Variants in AFG1L observed in about 807,000 individuals in gnomAD.
AFG1L encodes the protein AFG1-like ATPase.
In AFG1L, 53 loss-of-function variants were observed where a neutral mutation model predicts 62.2. That is an observed-to-expected ratio of 0.85 (90% CI 0.68 to 1.07). AFG1L has a LOEUF of 1.07. Among genes scored for constraint, AFG1L ranks in the 50% least tolerant of loss-of-function variants. The probability of loss-of-function intolerance (pLI) is 0.00; values close to 1 mark genes in which losing one functional copy is unlikely to be tolerated. For missense variants in AFG1L, 555 were observed against 590.5 expected (o/e 0.94, Z 0.62); for synonymous variants, 228 against 210.3 (o/e 1.08, Z -0.73).
At chr6:108,429,204 G>A (rs889958917) in intron 7 of AFG1L, among the ~76,000 whole-genome samples, 3 of 152,036 alleles carry the variant, frequency 2.0e-5, no homozygotes, top group African/African-American at 7.2e-5. Flanking sequence ...ATGTGTATTA[G>A]TCTGTTCTCA....
intron 10 of AFG1L, among the ~76,000 whole-genome samples, chr6:108,504,826 G>C (rs1266048043): frequency 6.6e-6 from 1 of 152,174 alleles, no homozygotes; most frequent in Non-Finnish European, 1.5e-5. Flanking sequence ...TCAAAATGAG[G>C]TGAGCTGAGC....
intron 10 of AFG1L, among the ~76,000 whole-genome samples, chr6:108,478,368 C>T (rs1773204914): frequency 6.6e-6 from 1 of 152,208 alleles, no homozygotes; most frequent in Non-Finnish European, 1.5e-5. Flanking sequence ...ACCCGGGAGG[C>T]GGAGCCTGCA....
At chr6:108,435,282 C>G (rs891856160) in intron 7 of AFG1L, among the ~76,000 whole-genome samples, 6 of 152,128 alleles carry the variant, frequency 3.9e-5, no homozygotes, top group Admixed American at 6.5e-5. Flanking sequence ...GGGATACTGG[C>G]CAGGTAGGAG....
intron 1 of AFG1L, among the ~76,000 whole-genome samples, chr6:108,309,314 G>A (rs1035478228): frequency 6.6e-6 from 1 of 152,094 alleles, no homozygotes; most frequent in Non-Finnish European, 1.5e-5. Flanking sequence ...TCAAGTGACC[G>A]TGTATGTGTG....
chr6:108,488,894 T>C (rs765121235), intron 10 of AFG1L, among the ~76,000 whole-genome samples: 1 of 151,852 alleles, frequency 6.6e-6, no homozygotes, highest in Non-Finnish European at 1.5e-5. Flanking sequence ...AATTACAGAG[T>C]ATATTCAGAG....
At chr6:108,488,691 C>T (rs1052092877) in intron 10 of AFG1L, among the ~76,000 whole-genome samples, 2 of 149,754 alleles carry the variant, frequency 1.3e-5, no homozygotes, top group African/African-American at 5.0e-5. Flanking sequence ...AACCCCATCT[C>T]TACTGAAATA....
chr6:108,401,841 G>A (rs1781631424), intron 6 of AFG1L, among the ~76,000 whole-genome samples, 155 bp from the exon 7 acceptor site: 2 of 151,540 alleles, frequency 1.3e-5, no homozygotes, highest in Admixed American at 1.3e-4. Flanking sequence ...TAAAATGTGT[G>A]TAGGACCCAA....
intron 7 of AFG1L, among the ~76,000 whole-genome samples, chr6:108,445,376 T>C (rs1771726907): frequency 6.6e-6 from 1 of 152,184 alleles, no homozygotes; most frequent in Admixed American, 6.5e-5. Flanking sequence ...TTCACTGGAG[T>C]AGCACTTTTC....
At chr6:108,301,692 A>G (rs1011687198) in intron 1 of AFG1L, among the ~76,000 whole-genome samples, 2 of 152,244 alleles carry the variant, frequency 1.3e-5, no homozygotes, top group Non-Finnish European at 2.9e-5. Flanking sequence ...AGTAAGGTAA[A>G]ATAAATAAAA....
intron 2 of AFG1L, among the ~76,000 whole-genome samples, chr6:108,339,106 C>T (rs1582399084): frequency 6.6e-6 from 1 of 151,482 alleles, no homozygotes; most frequent in Non-Finnish European, 1.5e-5. Context: ...ATTTGTTTTT[C>T]TTACTGATTG....
intron 8 of AFG1L, 141 bp downstream of exon 8, chr6:108,447,437 C>G: frequency 1.8e-6 from 1 of 557,216 alleles, no homozygotes; most frequent in South Asian, 2.4e-5. Flanking sequence ...CTCATGTTAA[C>G]TTCTTCAACC....
chr6:108,430,921 T>G (rs548117313), intron 7 of AFG1L, among the ~76,000 whole-genome samples: 1 of 152,278 alleles, frequency 6.6e-6, no homozygotes, highest in African/African-American at 2.4e-5. Flanking sequence ...TCCACTCCCA[T>G]GCCAAATAAT....
intron 2 of AFG1L, among the ~76,000 whole-genome samples, chr6:108,341,232 A>G (rs562856187): frequency 1.3e-5 from 2 of 152,068 alleles, no homozygotes; most frequent in Non-Finnish European, 2.9e-5. Context: ...AATTTATTGA[A>G]GTTTTCTTTC....
chr6:108,392,183 G>C (rs1781085171), intron 6 of AFG1L: 1 of 152,090 alleles, frequency 6.6e-6, no homozygotes, highest in South Asian at 2.1e-4. Context: ...TTTTAAAAAA[G>C]AAAATGTTTG....
intron 7 of AFG1L, among the ~76,000 whole-genome samples, chr6:108,433,783 G>A (rs563364603): frequency 8.7e-5 from 13 of 149,510 alleles, no homozygotes; most frequent in Non-Finnish European, 1.9e-4. Flanking sequence ...AGTAGAGATG[G>A]GGTTTCACCA....
chr6:108,471,728 G>A (rs949676417), intron 8 of AFG1L, among the ~76,000 whole-genome samples: 4 of 152,000 alleles, frequency 2.6e-5, no homozygotes, highest in Admixed American at 6.6e-5. Context: ...CAAATCCATC[G>A]TGTTCTTATT....
chr6:108,456,829 G>A (rs1366538347), intron 8 of AFG1L, among the ~76,000 whole-genome samples: 2 of 151,984 alleles, frequency 1.3e-5, no homozygotes, highest in Admixed American at 1.3e-4. Flanking sequence ...TATTTTTATT[G>A]TATCTTTTCT....
chr6:108,347,036 G>A lies in AFG1L; in HGVS notation c.412G>A (p.Val138Ile), dbSNP rs777929126. Residue 138 changes from valine to isoleucine, a missense_variant, in exon 3 of 13, where the codon GTT (valine) becomes ATT (isoleucine). By Grantham distance (29) the Val-to-Ile change is conservative (BLOSUM62 3). Coordinates refer to ENST00000368977, the MANE Select transcript of AFG1L (RefSeq NM_145315.5). Reference sequence around the variant, plus strand: ...AAGGGGCCTGTATGTTTATGGAGATGTTGGTAAGTGTGTTAAAATAAGTTT... The same window carrying A: ...AAGGGGCCTGTATGTTTATGGAGATATTGGTAAGTGTGTTAAAATAAGTTT... ...PPRGLYVYGD[V>I]GTGKTMVMDM... 6 of 1,612,710 alleles carry A rather than the reference G, an allele frequency of 3.7e-6. No homozygotes were observed. The highest frequency in any genetic ancestry group is 1.7e-4 in the Middle Eastern group (1 of 6,052).
intron 7 of AFG1L, among the ~76,000 whole-genome samples, chr6:108,426,730 A>C (rs528616094): frequency 6.6e-6 from 1 of 152,264 alleles, no homozygotes; most frequent in South Asian, 2.1e-4. Flanking sequence ...AATTTTCATA[A>C]GAGTTAAATG....
Sources: allele counts gnomAD v4.1 joint callset (sites outside exome capture counted in the v4.1 genomes callset), GRCh38; gene constraint gnomAD v4.1.1; transcripts MANE v1.5; gene names NCBI Gene and HGNC (gene_info 2026-07-23, HGNC 2026-07-21).